TRAK2: variants seen among roughly 807,000 people sequenced by gnomAD.
TRAK2 encodes the protein trafficking kinesin-binding protein 2.
In TRAK2, 81 loss-of-function variants were observed where a neutral mutation model predicts 104.6. That is an observed-to-expected ratio of 0.77 (90% confidence interval 0.65 to 0.93). TRAK2 has a LOEUF of 0.93. Among genes scored for constraint, TRAK2 ranks in the 40% least tolerant of loss-of-function variants. The pLI, the probability that TRAK2 is intolerant of heterozygous loss-of-function variation, is 0.00. For missense variants in TRAK2, 1,002 were observed against 1,089.0 expected (o/e 0.92, Z 1.12); for synonymous variants, 406 against 394.4 (o/e 1.03, Z -0.35).
intron 1 of TRAK2, 85 bp downstream of exon 1, chr2:201,451,265 G>A (rs1952033234): frequency 6.6e-6 from 1 of 152,360 alleles, no homozygotes; most frequent in Non-Finnish European, 1.5e-5. Flanking sequence ...CCGGGTACCG[G>A]AGGACCTTGG....
At chr2:201,420,206 C>T (rs955955214) in intron 2 of TRAK2, among the ~76,000 whole-genome samples, 2 of 151,930 alleles carry the variant, frequency 1.3e-5, no homozygotes, top group East Asian at 1.9e-4. Flanking sequence ...CAGGGGAGTC[C>T]GACATAGACA....
rs111548814 is a variant in TRAK2, at chr2:201,403,335, C to T, written c.287-2241G>A. ...GAGAAATTATGTGGCATGTTCAAGA[C>T]CACGAAGAAAGCTATTAGTGGCAAA... On this transcript the variant is annotated intron_variant, in intron 3 of 15. Coordinates refer to ENST00000332624, the MANE Select transcript of TRAK2 (RefSeq NM_015049.3). Among the ~76,000 whole-genome samples, 958 of 152,170 alleles carry T rather than the reference C, an allele frequency of 6.3e-3. 13 individuals are homozygous for T. Among genetic ancestry groups the T allele is most frequent in the African/African-American group, 0.021 (887 of 41,514 alleles).
At chr2:201,413,216 T>A in intron 2 of TRAK2, 16 of 1,460,118 alleles carry the variant, frequency 1.1e-5, no homozygotes, top group Non-Finnish European at 1.1e-5. Context: ...CAACATCAAA[T>A]TCTCTAGTGA....
At chr2:201,417,190 C>T (rs1576524855) in intron 2 of TRAK2, among the ~76,000 whole-genome samples, 1 of 138,858 alleles carries the variant, frequency 7.2e-6, no homozygotes, top group African/African-American at 2.7e-5. Context: ...CTTCACAACT[C>T]GTTTTACAAG....
chr2:201,419,559 GA>G (rs1291514943), intron 2 of TRAK2: 1 of 154,368 alleles, frequency 6.5e-6, no homozygotes, highest in Non-Finnish European at 1.5e-5. Flanking sequence ...AACTGGAGGT[GA>G]GGGGTGGGGA....
intron 12 of TRAK2, 195 bp from the exon 13 acceptor site, chr2:201,388,196 C>A: frequency 1.6e-6 from 1 of 621,162 alleles, no homozygotes; most frequent in Non-Finnish European, 2.9e-6. Flanking sequence ...CAGATCATTG[C>A]AAATGACTTG....
intron 1 of TRAK2, among the ~76,000 whole-genome samples, chr2:201,443,209 A>G (rs1270218979): frequency 6.6e-6 from 1 of 151,958 alleles, no homozygotes; most frequent in East Asian, 1.9e-4. Flanking sequence ...TCATACCTCA[A>G]CCCCACTACA....
chr2:201,442,873 G>T (rs1254431533), intron 1 of TRAK2, among the ~76,000 whole-genome samples: 1 of 152,198 alleles, frequency 6.6e-6, no homozygotes, highest in Non-Finnish European at 1.5e-5. Context: ...CTGGAAGACA[G>T]AAAGGAGAGA....
intron 3 of TRAK2, among the ~76,000 whole-genome samples, chr2:201,405,842 C>T (rs1951590042): frequency 6.6e-6 from 1 of 152,044 alleles, no homozygotes; most frequent in African/African-American, 2.4e-5. Context: ...AATTAGCCAG[C>T]ATAGTGGCGC....
At chr2:201,414,605 T>G (rs775133670) in intron 2 of TRAK2, among the ~76,000 whole-genome samples, 1 of 152,172 alleles carries the variant, frequency 6.6e-6, no homozygotes, top group Non-Finnish European at 1.5e-5. Context: ...GAGATAGAGA[T>G]GAGGCAGATT....
intron 10 of TRAK2, among the ~76,000 whole-genome samples, 168 bp downstream of exon 10, chr2:201,392,741 G>A (rs1168363437): frequency 6.6e-6 from 1 of 152,034 alleles, no homozygotes; most frequent in Non-Finnish European, 1.5e-5. Flanking sequence ...GAGTATTAAG[G>A]AAGATGTCAA....
chr2:201,408,019 T>C (rs565462173), intron 2 of TRAK2, among the ~76,000 whole-genome samples: 1 of 152,318 alleles, frequency 6.6e-6, no homozygotes, highest in Middle Eastern at 3.4e-3. Context: ...CTTTTATCTA[T>C]TTGAAAATAT....
At chr2:201,397,822 T>C in intron 6 of TRAK2, 1 of 554,780 alleles carries the variant, frequency 1.8e-6, no homozygotes, top group Non-Finnish European at 3.2e-6. Flanking sequence ...TTTTCTGAGA[T>C]AGTTCTTATC....
At position 201,381,213 on chromosome 2, in the gene TRAK2, C is replaced by A. The variant is rs1242636571; in HGVS notation, c.2075G>T (p.Gly692Val). The change falls in exon 16 of 16, where the codon GGG becomes GTG. Residue 692 changes from glycine (G) to valine (V), a missense_variant. By Grantham distance (109) the Gly-to-Val change is moderately radical. Coordinates refer to ENST00000332624, the MANE Select transcript of TRAK2 (RefSeq NM_015049.3). ...ACTTCCACAGGATAATGAAGGGAAC[C>A]CAGAGCTTAAAAAAAAAAAAAAAAA... ...SDITQVTPSS[G>V]FPSLSCGSSG... 3 of 1,545,106 alleles carry A rather than the reference C, an allele frequency of 1.9e-6. No homozygotes were observed. The highest frequency in any genetic ancestry group is 2.6e-6 in the Non-Finnish European group (3 of 1,146,770).
chr2:201,408,707 T>C (rs1457752087), intron 2 of TRAK2, among the ~76,000 whole-genome samples: 1 of 152,202 alleles, frequency 6.6e-6, no homozygotes, highest in African/African-American at 2.4e-5. Context: ...GAAAGAGGTC[T>C]GATCTCAACT....
intron 13 of TRAK2, 64 bp from the exon 14 acceptor site, chr2:201,386,548 C>A (rs1951392954): frequency 6.4e-7 from 1 of 1,567,048 alleles, no homozygotes; most frequent in Non-Finnish European, 8.7e-7. Flanking sequence ...TCTTAAAACA[C>A]AAGCTAAAAT....
chr2:201,385,662 C>T (rs1208707137), intron 14 of TRAK2, among the ~76,000 whole-genome samples: 1 of 152,192 alleles, frequency 6.6e-6, no homozygotes, highest in Non-Finnish European at 1.5e-5. Context: ...TGCCTGGCTG[C>T]ATTTCCTTCA....
At chr2:201,427,038 TAAG>T (rs1951794694) in intron 1 of TRAK2, among the ~76,000 whole-genome samples, 1 of 152,180 alleles carries the variant, frequency 6.6e-6, no homozygotes, top group South Asian at 2.1e-4. Flanking sequence ...CCACCCTTTA[TAAG>T]AAGGGTCAGA....
chr2:201,378,333 C>T lies in TRAK2; in HGVS notation c.*2210G>A, dbSNP rs1281775816. On this transcript the variant is annotated 3_prime_UTR_variant, in exon 16 of 16. Transcript: ENST00000332624. ...AAAAGTATACAAATTATACTCAATA[C>T]AGAGCACGGCAAGATCTAGTTCAAT... 2 of 152,168 alleles carry T rather than the reference C, an allele frequency of 1.3e-5. No homozygotes were observed. Among genetic ancestry groups the T allele is most frequent in the African/African-American group, 4.8e-5 (2 of 41,424 alleles). 9.4% of individuals were successfully genotyped at this position (152,168 alleles called of 1,614,324 possible).
Sources: allele counts gnomAD v4.1 joint callset (sites outside exome capture counted in the v4.1 genomes callset), GRCh38; gene constraint gnomAD v4.1.1; transcripts MANE v1.5; gene names NCBI Gene and HGNC (gene_info 2026-07-23, HGNC 2026-07-21).